SOX4: variants seen among roughly 807,000 people sequenced by gnomAD.
SOX4 encodes transcription factor SOX-4.
For synonymous variants in SOX4, 465 were observed against 348.4 expected (o/e 1.33, Z -3.73); for missense variants, 662 against 694.9 (o/e 0.95, Z 0.53).
rs564590418 is a variant in SOX4 at position 21,594,068 on chromosome 6, G to C, written c.-467G>C. 6.6e-6 allele frequency: 1 copy of C among 152,070 alleles called. No homozygotes were observed. Among genetic ancestry groups the C allele is most frequent in the Admixed American group, 6.6e-5 (1 of 15,078 alleles). 9.4% of individuals were successfully genotyped at this position (152,070 alleles called of 1,614,324 possible). ...GGGACTAAGTGCTAGAGACTATGTCGCTTTCCTGAGCTACCGAGAGCGCTC... is the reference window on the plus strand; with the variant it reads ...GGGACTAAGTGCTAGAGACTATGTCCCTTTCCTGAGCTACCGAGAGCGCTC... On this transcript the variant is annotated 5_prime_UTR_variant, in exon 1 of 1. Coordinates refer to ENST00000244745, the MANE Select transcript of SOX4 (RefSeq NM_003107.3).
Position 21,596,383 on chromosome 6 carries a change from C to T in SOX4, c.*424C>T, listed in dbSNP as rs1313759656. 5.9e-6 allele frequency: 1 copy of T among 170,380 alleles called. No homozygotes were observed. Among genetic ancestry groups the T allele is most frequent in the Non-Finnish European group, 1.4e-5 (1 of 70,570 alleles). 10.6% of individuals were successfully genotyped at this position (170,380 alleles called of 1,614,324 possible). On this transcript the variant is annotated 3_prime_UTR_variant, in exon 1 of 1. Transcript: ENST00000244745. ...CCCAGCAAGAAGGCGAGTTAGTTTT[C>T]TAGAGACTTGAAGGAGTCTCCCCCT...
rs1385280638 is a variant in SOX4, at chr6:21,597,481, AT to A, written c.*1525del. 2.5e-5 allele frequency: 2 copies of A among 81,202 alleles called. No homozygotes were observed. The highest frequency in any genetic ancestry group is 6.0e-5 in the Non-Finnish European group (2 of 33,220). 5.0% of individuals were successfully genotyped at this position (81,202 alleles called of 1,614,324 possible). On this transcript the variant is annotated 3_prime_UTR_variant, in exon 1 of 1. Coordinates refer to ENST00000244745, the MANE Select transcript of SOX4 (RefSeq NM_003107.3). ...TCTTTCCTTTCTTTTTACTTCCTTTATTTCTTTATTCCTTCCTTTTCCTTTT... is the reference window on the plus strand; with the variant it reads ...TCTTTCCTTTCTTTTTACTTCCTTTATTCTTTATTCCTTCCTTTTCCTTTT...
chr6:21,595,896 G>A lies in SOX4; in HGVS notation c.1362G>A (p.Val454=), dbSNP rs767256701. 1.7e-5 allele frequency: 27 copies of A among 1,603,690 alleles called. No individual in the cohort carries two copies. The highest frequency in any genetic ancestry group is 2.3e-5 in the East Asian group (1 of 44,292). ...FEFPDYCTPE[V]SEMISGDWLE... Reference sequence around the variant, plus strand: ...TCCCGGACTACTGCACGCCCGAGGTGAGCGAGATGATCTCGGGAGACTGGC... The same window carrying A: ...TCCCGGACTACTGCACGCCCGAGGTAAGCGAGATGATCTCGGGAGACTGGC... Residue 454 remains valine, a synonymous_variant, in exon 1 of 1, where the codon GTG becomes GTA. Transcript: ENST00000244745.
chr6:21,595,198 G>A lies in SOX4; in HGVS notation c.664G>A (p.Gly222Ser). The part of the protein sequence containing the change: ...SKPHAKLILA[G>S]GGGGGKAAAA... ...ACCGCACGCCAAGCTCATCCTGGCA[G>A]GCGGCGGCGGCGGCGGGAAAGCAGC... The change falls in exon 1 of 1, where the codon GGC (glycine) becomes AGC (serine). Residue 222 changes from glycine (G) to serine (S), a missense_variant. Transcript: ENST00000244745. 12 of 1,236,616 alleles carry A rather than the reference G, an allele frequency of 9.7e-6. No individual in the cohort carries two copies. Among genetic ancestry groups the A allele is most frequent in the Non-Finnish European group, 1.1e-5 (11 of 992,450 alleles). The allele number at this position is 1,236,616 out of a possible 1,614,324, so 76.6% of individuals were successfully genotyped here.
At position 21,594,485 on chromosome 6, in the gene SOX4, C is replaced by T; in HGVS notation, c.-50C>T. ...CCGGGAGGGCCCGGCGATCGCGCGG[C>T]GGCCGCCGCGAGGGTGTGAGCGCGC... On this transcript the variant is annotated 5_prime_UTR_variant, in exon 1 of 1. Transcript: ENST00000244745. 7.4e-7 allele frequency: 1 copy of T among 1,358,642 alleles called. No individual in the cohort carries two copies. The highest frequency in any genetic ancestry group is 9.4e-7 in the Non-Finnish European group (1 of 1,063,482). 84.2% of individuals were successfully genotyped at this position (1,358,642 alleles called of 1,614,324 possible). A position where few individuals can be genotyped will look rare whatever the true frequency, so the allele number is the denominator to read the frequency against.
chr6:21,594,574 C>G lies in SOX4; in HGVS notation c.40C>G (p.Leu14Val), dbSNP rs769691931. The change falls in exon 1 of 1, where the codon CTG becomes GTG. Residue 14 changes from leucine to valine, a missense_variant. Coordinates refer to ENST00000244745, the MANE Select transcript of SOX4 (RefSeq NM_003107.3). Reference sequence around the variant, plus strand: ...CAACAATGCCGAGAACACGGAAGCGCTGCTGGCCGGCGAGAGCTCGGACTC... The same window carrying G: ...CAACAATGCCGAGAACACGGAAGCGGTGCTGGCCGGCGAGAGCTCGGACTC... ...QTNNAENTEA[L>V]LAGESSDSGA... is the part of the protein sequence containing the mutation. 4 of 1,608,642 alleles carry G rather than the reference C, an allele frequency of 2.5e-6. No homozygotes were observed. Among genetic ancestry groups the G allele is most frequent in the South Asian group, 1.1e-5 (1 of 90,798 alleles).
At position 21,596,098 on chromosome 6, in the gene SOX4, G is replaced by T. The variant is rs1000016194; in HGVS notation, c.*139G>T. The stretch of plus-strand genomic sequence containing the variant: ...AGAAAAAGTAAGCAGGGCTGGCTTC[G>T]CCCGCGTTCTCGTCGTCGGATCAAG... On this transcript the variant is annotated 3_prime_UTR_variant, in exon 1 of 1. Coordinates refer to ENST00000244745, the MANE Select transcript of SOX4 (RefSeq NM_003107.3). 3.7e-5 allele frequency: 49 copies of T among 1,320,094 alleles called. No individual in the cohort carries two copies. The highest frequency in any genetic ancestry group is 4.2e-5 in the Non-Finnish European group (43 of 1,018,594). The allele number at this position is 1,320,094 out of a possible 1,614,324, so 81.8% of individuals were successfully genotyped here.
rs1269255154 is a variant in SOX4, at chr6:21,595,227, TGCC to T, written c.703_705del (p.Ala235del). 8.5e-6 allele frequency: 10 copies of T among 1,171,318 alleles called. No homozygotes were observed. The highest frequency in any genetic ancestry group is 7.9e-5 in the East Asian group (2 of 25,384). The allele number at this position is 1,171,318 out of a possible 1,614,324, so 72.6% of individuals were successfully genotyped here. A position where few individuals can be genotyped will look rare whatever the true frequency, so the allele number is the denominator to read the frequency against. On this transcript the variant is annotated inframe_deletion, in exon 1 of 1. Coordinates refer to ENST00000244745, the MANE Select transcript of SOX4 (RefSeq NM_003107.3). ...GCGGCGGCGGCGGGAAAGCAGCGGC[TGCC>T]GCCGCCGCCTCCTTCGCCGCCGAAC... is the stretch of plus-strand genomic sequence containing the variant.
chr6:21,595,973 A>G lies in SOX4; in HGVS notation c.*14A>G. On this transcript the variant is annotated 3_prime_UTR_variant, in exon 1 of 1. Transcript: ENST00000244745. ...TTCACCTACTGAAGGGCGCGCAGGC[A>G]GGGAGAAGGGCCGGGGGGGGTAGGA... 1.4e-6 allele frequency: 2 copies of G among 1,387,934 alleles called. No individual in the cohort carries two copies. Among genetic ancestry groups the G allele is most frequent in the African/African-American group, 3.0e-5 (2 of 67,162 alleles). 86.0% of individuals were successfully genotyped at this position (1,387,934 alleles called of 1,614,324 possible). A position where few individuals can be genotyped will look rare whatever the true frequency, so the allele number is the denominator to read the frequency against.
Position 21,594,326 on chromosome 6 carries a change from G to A in SOX4, c.-209G>A. The A allele has an allele frequency of 2.1e-6, 1 of 484,410 alleles. No individual in the cohort carries two copies. The highest frequency in any genetic ancestry group is 3.3e-6 in the Non-Finnish European group (1 of 299,532). 30.0% of individuals were successfully genotyped at this position (484,410 alleles called of 1,614,324 possible). On this transcript the variant is annotated 5_prime_UTR_variant, in exon 1 of 1. Coordinates refer to ENST00000244745, the MANE Select transcript of SOX4 (RefSeq NM_003107.3). ...CCTGGGAACTATAACTCCTCTGCGA[G>A]AGGCGGAGAACTCCTTCCCCAAATC...
In SOX4 at chr6:21,596,016, GA is replaced by G. The variant is rs1763144297; in HGVS notation, c.*64del. ...GGGTAGGAGAGGAGAAAAAAAAAGTGAAAAAAAGAAACGAAAAGGACAGACG... is the reference window on the plus strand; with the variant it reads ...GGGTAGGAGAGGAGAAAAAAAAAGTGAAAAAAGAAACGAAAAGGACAGACG... On this transcript the variant is annotated 3_prime_UTR_variant, in exon 1 of 1. Transcript: ENST00000244745. The G allele has an allele frequency of 7.0e-6, 10 of 1,428,676 alleles. No individual in the cohort carries two copies. The highest frequency in any genetic ancestry group is 1.9e-4 in the Middle Eastern group (1 of 5,254). 88.5% of individuals were successfully genotyped at this position (1,428,676 alleles called of 1,614,324 possible). A position where few individuals can be genotyped will look rare whatever the true frequency, so the allele number is the denominator to read the frequency against.
In SOX4 at chr6:21,596,170, G is replaced by C. The variant is rs989457753; in HGVS notation, c.*211G>C. ...CCGCGCTCCCATCCCCCACCTTCCCGGGCCGGGGACCCACTCTGCCCAGCC... is the reference window on the plus strand; with the variant it reads ...CCGCGCTCCCATCCCCCACCTTCCCCGGCCGGGGACCCACTCTGCCCAGCC... On this transcript the variant is annotated 3_prime_UTR_variant, in exon 1 of 1. Transcript: ENST00000244745. 3 of 740,180 alleles carry C rather than the reference G, an allele frequency of 4.1e-6. No homozygotes were observed. The highest frequency in any genetic ancestry group is 3.0e-5 in the South Asian group (1 of 32,886). The allele number at this position is 740,180 out of a possible 1,614,324, so 45.9% of individuals were successfully genotyped here. A position where few individuals can be genotyped will look rare whatever the true frequency, so the allele number is the denominator to read the frequency against.
Position 21,596,133 on chromosome 6 carries a change from G to C in SOX4, c.*174G>C. 8.7e-7 allele frequency: 1 copy of C among 1,151,546 alleles called. No homozygotes were observed. The highest frequency in any genetic ancestry group is 2.2e-5 in the South Asian group (1 of 46,432). 71.3% of individuals were successfully genotyped at this position (1,151,546 alleles called of 1,614,324 possible). A position where few individuals can be genotyped will look rare whatever the true frequency, so the allele number is the denominator to read the frequency against. Reference sequence around the variant, plus strand: ...TCGTCGTCGGATCAAGGAGCGCGGCGGCGTTTTGGACCCGCGCTCCCATCC... The same window carrying C: ...TCGTCGTCGGATCAAGGAGCGCGGCCGCGTTTTGGACCCGCGCTCCCATCC... On this transcript the variant is annotated 3_prime_UTR_variant, in exon 1 of 1. Transcript: ENST00000244745.
Position 21,597,324 on chromosome 6 carries a change from G to A in SOX4, c.*1365G>A, listed in dbSNP as rs1763188530. Reference sequence around the variant, plus strand: ...GTTTATTCCTTATAGGTGTAAATGAGAAGACGTGTTTTTTTCCTTCACCGA... The same window carrying A: ...GTTTATTCCTTATAGGTGTAAATGAAAAGACGTGTTTTTTTCCTTCACCGA... On this transcript the variant is annotated 3_prime_UTR_variant, in exon 1 of 1. Coordinates refer to ENST00000244745, the MANE Select transcript of SOX4 (RefSeq NM_003107.3). 6.0e-6 allele frequency: 1 copy of A among 166,944 alleles called. No individual in the cohort carries two copies. Among genetic ancestry groups the A allele is most frequent in the Non-Finnish European group, 1.5e-5 (1 of 68,102 alleles). The allele number at this position is 166,944 out of a possible 1,614,324, so 10.3% of individuals were successfully genotyped here.
chr6:21,597,289 C>T lies in SOX4; in HGVS notation c.*1330C>T, dbSNP rs1239135761. On this transcript the variant is annotated 3_prime_UTR_variant, in exon 1 of 1. Transcript: ENST00000244745. The stretch of plus-strand genomic sequence containing the variant: ...AACAATTCAGGACCAAATTTTTTCT[C>T]AGTGTGTGTGTTTATTCCTTATAGG... 1.2e-5 allele frequency: 2 copies of T among 166,936 alleles called. No homozygotes were observed. The highest frequency in any genetic ancestry group is 2.1e-4 in the South Asian group (1 of 4,830). The allele number at this position is 166,936 out of a possible 1,614,324, so 10.3% of individuals were successfully genotyped here.
At position 21,595,625 on chromosome 6, in the gene SOX4, T is replaced by G. The variant is rs1582602773; in HGVS notation, c.1091T>G (p.Leu364Arg). The G allele has an allele frequency of 7.3e-7, 1 of 1,376,866 alleles. No homozygotes were observed. The highest frequency in any genetic ancestry group is 2.2e-4 in the Middle Eastern group (1 of 4,456). The allele number at this position is 1,376,866 out of a possible 1,614,324, so 85.3% of individuals were successfully genotyped here. Residue 364 changes from leucine (L) to arginine (R), a missense_variant, in exon 1 of 1, where the codon CTG becomes CGG. Transcript: ENST00000244745. ...SPADHRGYAS[L>R]RAASPAPSSA... ...GCCGACCACCGCGGCTACGCCAGCC[T>G]GCGCGCCGCCTCGCCCGCCCCGTCC...
In SOX4 at chr6:21,595,828, C is replaced by T. The variant is rs1424219062; in HGVS notation, c.1294C>T (p.Leu432=). ...FSSSSALDRD[L]DFNFEPGSGS... is the part of the protein sequence containing the mutation. Reference sequence around the variant, plus strand: ...TTCGTCGTCGGCGCTCGACCGGGACCTGGATTTTAACTTCGAGCCCGGCTC... The same window carrying T: ...TTCGTCGTCGGCGCTCGACCGGGACTTGGATTTTAACTTCGAGCCCGGCTC... Residue 432 remains leucine (L), a synonymous_variant, in exon 1 of 1, where the codon CTG becomes TTG. Coordinates refer to ENST00000244745, the MANE Select transcript of SOX4 (RefSeq NM_003107.3). 2.5e-6 allele frequency: 4 copies of T among 1,613,342 alleles called. No individual in the cohort carries two copies. Among genetic ancestry groups the T allele is most frequent in the Non-Finnish European group, 2.5e-6 (3 of 1,179,938 alleles).
chr6:21,598,562 C>T lies in SOX4; in HGVS notation c.*2603C>T, dbSNP rs1390523891. The T allele has an allele frequency of 4.8e-5, 8 of 166,744 alleles. No homozygotes were observed. Among genetic ancestry groups the T allele is most frequent in the African/African-American group, 1.9e-4 (8 of 41,432 alleles). The allele number at this position is 166,744 out of a possible 1,614,324, so 10.3% of individuals were successfully genotyped here. A position where few individuals can be genotyped will look rare whatever the true frequency, so the allele number is the denominator to read the frequency against. Reference sequence around the variant, plus strand: ...TGCCTGTCAGATTGTTGATATATACCTTCTGTAAATAACTTTTTTTGAGAA... The same window carrying T: ...TGCCTGTCAGATTGTTGATATATACTTTCTGTAAATAACTTTTTTTGAGAA... On this transcript the variant is annotated 3_prime_UTR_variant, in exon 1 of 1. Transcript: ENST00000244745.
In SOX4 at chr6:21,594,663, C is replaced by T. The variant is rs750200758; in HGVS notation, c.129C>T (p.Gly43=). ...SPTPGSTAST[G]GKADDPSWCK... is the part of the protein sequence containing the mutation. Reference sequence around the variant, plus strand: ...CGCCCGGCTCCACCGCCTCCACGGGCGGCAAGGCCGACGACCCGAGCTGGT... The same window carrying T: ...CGCCCGGCTCCACCGCCTCCACGGGTGGCAAGGCCGACGACCCGAGCTGGT... Residue 43 remains glycine, a synonymous_variant, in exon 1 of 1, where the codon GGC becomes GGT. Transcript: ENST00000244745. The T allele has an allele frequency of 1.9e-6, 3 of 1,601,124 alleles. No homozygotes were observed. Among genetic ancestry groups the T allele is most frequent in the African/African-American group, 2.7e-5 (2 of 74,754 alleles).
Sources: gnomAD v4.1 joint callset for allele counts on GRCh38, gnomAD v4.1.1 for gene constraint, MANE v1.5 for transcripts, NCBI Gene and HGNC (gene_info 2026-07-23, HGNC 2026-07-21) for gene names.